Variants in CPA6 observed in about 807,000 individuals in gnomAD.
The protein encoded by CPA6 is carboxypeptidase A6.
In CPA6, 58 loss-of-function variants were observed where a neutral mutation model predicts 63.3. That is an observed-to-expected ratio of 0.92 (90% confidence interval 0.74 to 1.14). The LOEUF (loss-of-function observed/expected upper bound fraction) is 1.14, where lower values mean the gene tolerates loss of function less well. Among genes scored for constraint, CPA6 ranks in the 50% most tolerant of loss-of-function variants. CPA6 has a pLI of 0.00. For missense variants in CPA6, 565 were observed against 526.6 expected, an observed-to-expected ratio of 1.07 and a Z score of -0.71; for synonymous variants, 185 against 179.0, an observed-to-expected ratio of 1.03 and a Z score of -0.27.
intron 1 of CPA6, among the ~76,000 whole-genome samples, chr8:67,709,180 T>A (rs1817201478): frequency 6.6e-6 from 1 of 152,136 alleles, no homozygotes; most frequent in Non-Finnish European, 1.5e-5. Flanking sequence ...GCGGCCCCTG[T>A]CACATGCTAG....
intron 1 of CPA6, among the ~76,000 whole-genome samples, chr8:67,633,636 G>A (rs1422688839): frequency 1.3e-5 from 2 of 148,450 alleles, no homozygotes; most frequent in East Asian, 2.0e-4. Context: ...AGCAGAGATC[G>A]CGCCACTGCA....
rs183546824 is a variant in CPA6 at position 67,743,355 on chromosome 8, T to A, written c.116+2659A>T. 1.7e-3 allele frequency among the ~76,000 whole-genome samples: 259 copies of A among 152,258 alleles called. 2 individuals carry two copies. Among genetic ancestry groups the A allele is most frequent in the African/African-American group, 5.9e-3 (247 of 41,558 alleles). On this transcript the variant is annotated intron_variant, in intron 1 of 10. Transcript: ENST00000297770. ...ATAGAAGTATATACATACTACTATA[T>A]ACCCAATATATATTTATGGGGTACA... is the stretch of plus-strand genomic sequence containing the variant.
intron 8 of CPA6, among the ~76,000 whole-genome samples, chr8:67,449,429 C>A (rs1401842386): frequency 6.6e-6 from 1 of 152,150 alleles, no homozygotes; most frequent in Non-Finnish European, 1.5e-5. Flanking sequence ...GTTTTATCAG[C>A]TTTTTTGTCT....
At chr8:67,556,219 C>T (rs1209761379) in intron 2 of CPA6, among the ~76,000 whole-genome samples, 2 of 152,294 alleles carry the variant, frequency 1.3e-5, no homozygotes, top group East Asian at 3.9e-4. Flanking sequence ...GATGGGGTTT[C>T]TGCGTTCGTA....
intron 2 of CPA6, among the ~76,000 whole-genome samples, chr8:67,555,644 C>G (rs1012265042): frequency 6.6e-6 from 1 of 152,118 alleles, no homozygotes; most frequent in African/African-American, 2.4e-5. Context: ...TGTAGTCAGC[C>G]AGGCAGAAGT....
At chr8:67,560,330 C>T (rs117009214) in intron 2 of CPA6, among the ~76,000 whole-genome samples, 1 of 152,172 alleles carries the variant, frequency 6.6e-6, no homozygotes, top group East Asian at 1.9e-4. Context: ...ACCTGATATA[C>T]ACTCTTCCTC....
chr8:67,634,083 C>T (rs1815407571), intron 1 of CPA6, among the ~76,000 whole-genome samples: 1 of 146,838 alleles, frequency 6.8e-6, no homozygotes, highest in Non-Finnish European at 1.5e-5. Context: ...ATTAAAATGA[C>T]ATCATTAGGG....
chr8:67,703,746 T>G (rs1817074008), intron 1 of CPA6, among the ~76,000 whole-genome samples: 1 of 152,236 alleles, frequency 6.6e-6, no homozygotes, highest in African/African-American at 2.4e-5. Context: ...GTCTCTTGGC[T>G]CATTGCTAGG....
chr8:67,715,382 C>T (rs1817356754), intron 1 of CPA6, among the ~76,000 whole-genome samples: 2 of 152,190 alleles, frequency 1.3e-5, no homozygotes, highest in South Asian at 4.1e-4. Flanking sequence ...TTTACTGCTG[C>T]CTTCATTTAG....
intron 1 of CPA6, among the ~76,000 whole-genome samples, chr8:67,667,678 A>T (rs1816260778): frequency 6.6e-6 from 1 of 152,158 alleles, no homozygotes; most frequent in Admixed American, 6.5e-5. Context: ...TAACCCACTG[A>T]CTTTCCACCT....
At chr8:67,684,066 T>C (rs1816657337) in intron 1 of CPA6, among the ~76,000 whole-genome samples, 1 of 147,020 alleles carries the variant, frequency 6.8e-6, no homozygotes, top group African/African-American at 2.5e-5. Context: ...TTTTTTTTTT[T>C]TGTAGAGATG....
intron 2 of CPA6, among the ~76,000 whole-genome samples, chr8:67,607,448 G>A (rs1381008806): frequency 1.3e-5 from 2 of 151,734 alleles, no homozygotes; most frequent in African/African-American, 4.8e-5. Flanking sequence ...GGTCTTCTTT[G>A]CTTGAAACCA....
intron 1 of CPA6, among the ~76,000 whole-genome samples, chr8:67,651,886 TC>T (rs1815848534): frequency 6.7e-6 from 1 of 149,002 alleles, no homozygotes; most frequent in South Asian, 2.2e-4. Context: ...AAGCTATCCC[TC>T]CCCCCTGCCC....
intron 1 of CPA6, among the ~76,000 whole-genome samples, chr8:67,650,841 A>G (rs1815820566): frequency 6.6e-6 from 1 of 152,174 alleles, no homozygotes; most frequent in Non-Finnish European, 1.5e-5. Context: ...GCAGGGGACC[A>G]CTTGGTAGGT....
chr8:67,666,983 T>C (rs1352247651), intron 1 of CPA6, among the ~76,000 whole-genome samples: 2 of 152,234 alleles, frequency 1.3e-5, no homozygotes, highest in African/African-American at 2.4e-5. Flanking sequence ...CCTTTTCCTT[T>C]AGGACTCCTT....
chr8:67,527,641 A>G (rs1353893174), intron 2 of CPA6, among the ~76,000 whole-genome samples: 1 of 152,184 alleles, frequency 6.6e-6, no homozygotes, highest in East Asian at 1.9e-4. Context: ...TCTCAAGTTC[A>G]CCCATATTTT....
chr8:67,588,983 C>A (rs111553258), intron 2 of CPA6, among the ~76,000 whole-genome samples: 1 of 151,900 alleles, frequency 6.6e-6, no homozygotes, highest in African/African-American at 2.4e-5. Flanking sequence ...TGGGCATGGT[C>A]GTTCATGCCT....
rs373748775 is a variant in CPA6 at position 67,638,209 on chromosome 8, T to C, written c.117-13958A>G. On this transcript the variant is annotated intron_variant, in intron 1 of 10. Transcript: ENST00000297770. Reference sequence around the variant, plus strand: ...TGGGAATTCAGACCACAGACTCCCATGTAAAGCCTTAAAGATAAAACCTTA... The same window carrying C: ...TGGGAATTCAGACCACAGACTCCCACGTAAAGCCTTAAAGATAAAACCTTA... 9.3e-5 allele frequency among the ~76,000 whole-genome samples: 14 copies of C among 151,348 alleles called. No homozygotes were observed. In the South Asian group the frequency reaches 1.9e-3, roughly 20 times the overall value.
chr8:67,471,916 A>C (rs1327106975), intron 8 of CPA6, among the ~76,000 whole-genome samples: 1 of 152,226 alleles, frequency 6.6e-6, no homozygotes, highest in East Asian at 1.9e-4. Flanking sequence ...AAATGGTAAC[A>C]AGGACCCAAA....
Sources: allele counts gnomAD v4.1 joint callset (sites outside exome capture counted in the v4.1 genomes callset), GRCh38; gene constraint gnomAD v4.1.1; transcripts MANE v1.5; gene names NCBI Gene and HGNC (gene_info 2026-07-23, HGNC 2026-07-21).